PAX5: variants seen among roughly 807,000 people sequenced by gnomAD.
The protein encoded by PAX5 is paired box protein Pax-5.
A neutral mutation model predicts 43.7 loss-of-function variants in PAX5; 9 were observed. The observed-to-expected ratio is 0.21, with a 90% CI of 0.12 to 0.36. The LOEUF is 0.36. PAX5 is among the 10% of genes least tolerant of loss of function. The probability of loss-of-function intolerance (pLI) is 1.00; values close to 1 mark genes in which losing one functional copy is unlikely to be tolerated. For synonymous variants in PAX5, 228 were observed against 214.3 expected (o/e 1.06, Z -0.56); for missense variants, 383 against 532.7 (o/e 0.72, Z 2.77).
chr9:36,867,506 AG>A (rs984009045), intron 8 of PAX5, among the ~76,000 whole-genome samples: 37 of 152,124 alleles, frequency 2.4e-4, no homozygotes, highest in African/African-American at 8.7e-4. Context: ...TATACATGAA[AG>A]GGGCACATGA....
At chr9:37,027,926 A>C (rs1365641766) in intron 1 of PAX5, among the ~76,000 whole-genome samples, 1 of 152,184 alleles carries the variant, frequency 6.6e-6, no homozygotes, top group Non-Finnish European at 1.5e-5. Context: ...TCATTGACAA[A>C]CGCGCTGGAC....
chr9:37,002,682 G>A lies in PAX5; in HGVS notation c.570C>T (p.Pro190=), dbSNP rs1054500585. 53 of 1,611,426 alleles carry A rather than the reference G, an allele frequency of 3.3e-5. No homozygotes were observed. Among genetic ancestry groups the A allele is most frequent in the Non-Finnish European group, 3.9e-5 (46 of 1,179,164 alleles). ...TCTTGCGCTTGTTGGTGTCGGCGCT[G>A]GGGGACGTGATGCCCAGGATGCCGC... The part of the protein sequence containing the change: ...SISGILGITS[P]SADTNKRKRD... Residue 190 remains proline (P), a synonymous_variant, in exon 5 of 10, where the codon CCC becomes CCT. Transcript: ENST00000358127.
intron 4 of PAX5, among the ~76,000 whole-genome samples, chr9:37,005,547 T>C (rs1472914714): frequency 6.6e-6 from 1 of 152,242 alleles, no homozygotes; most frequent in Non-Finnish European, 1.5e-5. Context: ...TACATTTTAC[T>C]GGGTGAGGTA....
intron 8 of PAX5, among the ~76,000 whole-genome samples, chr9:36,855,678 C>G (rs1823599827): frequency 6.6e-6 from 1 of 152,072 alleles, no homozygotes; most frequent in African/African-American, 2.4e-5. Flanking sequence ...GGGGCTGGTT[C>G]CCATGGAGCT....
At position 36,882,148 on chromosome 9, in the gene PAX5, G is replaced by C; in HGVS notation, c.911-43C>G. 6.8e-7 allele frequency: 1 copy of C among 1,479,396 alleles called. No homozygotes were observed. The highest frequency in any genetic ancestry group is 9.2e-7 in the Non-Finnish European group (1 of 1,087,390). The allele number at this position is 1,479,396 out of a possible 1,614,324, so 91.6% of individuals were successfully genotyped here. Reference sequence around the variant, plus strand: ...CAAATCACAGGGTGAGCATCTTCGCGGCCAGCCGCTCATGTCCACAGCTCC... The same window carrying C: ...CAAATCACAGGGTGAGCATCTTCGCCGCCAGCCGCTCATGTCCACAGCTCC... On this transcript the variant is annotated intron_variant, in intron 7 of 9. Coordinates refer to ENST00000358127, the MANE Select transcript of PAX5 (RefSeq NM_016734.3). The surrounding 1 kb of genome is among the most constrained non-coding windows in gnomAD (Gnocchi z 4.4).
At chr9:37,023,694 G>A (rs1840046161) in intron 1 of PAX5, among the ~76,000 whole-genome samples, 1 of 152,138 alleles carries the variant, frequency 6.6e-6, no homozygotes, top group Admixed American at 6.5e-5. Context: ...AAAGACCATG[G>A]CTGAGCATAG....
chr9:36,993,920 T>C (rs982388311), intron 5 of PAX5, among the ~76,000 whole-genome samples: 2 of 151,500 alleles, frequency 1.3e-5, no homozygotes, highest in African/African-American at 2.4e-5. Context: ...CACCACCCCA[T>C]GGGAAAAGGA....
intron 8 of PAX5, among the ~76,000 whole-genome samples, chr9:36,881,476 CT>C (rs1210991389): frequency 6.6e-6 from 1 of 152,116 alleles, no homozygotes; most frequent in Non-Finnish European, 1.5e-5. Flanking sequence ...AATCACCGGC[CT>C]GGGGGGATCA....
At chr9:36,961,911 G>A (rs1197267782) in intron 6 of PAX5, among the ~76,000 whole-genome samples, 1 of 152,218 alleles carries the variant, frequency 6.6e-6, no homozygotes, top group Non-Finnish European at 1.5e-5. Flanking sequence ...CATATGTAGG[G>A]AAAACAGAAT....
In PAX5 at chr9:36,882,038, G is replaced by A. The variant is rs1409978318; in HGVS notation, c.978C>T (p.Ser326=). 2 of 1,613,132 alleles carry A rather than the reference G, an allele frequency of 1.2e-6. No homozygotes were observed. The highest frequency in any genetic ancestry group is 2.7e-5 in the African/African-American group (2 of 74,878). ...PPHVPPAGQG[S]YSAPTLTGMV... ...TCCCTGTCAGCGTCGGTGCTGAGTA[G>A]CTGCCCTGTCCAGCGGGGGGGACGT... The change falls in exon 8 of 10, where the codon AGC becomes AGT. Residue 326 remains serine, a synonymous_variant. Coordinates refer to ENST00000358127, the MANE Select transcript of PAX5 (RefSeq NM_016734.3). The surrounding 1 kb of genome is among the most constrained non-coding windows in gnomAD (Gnocchi z 4.4).
intron 7 of PAX5, among the ~76,000 whole-genome samples, chr9:36,894,847 C>T (rs572888534): frequency 7.9e-5 from 12 of 152,346 alleles, no homozygotes; most frequent in Admixed American, 4.6e-4. Context: ...CAGAAATCCT[C>T]GATGGCTCCC....
At chr9:36,971,523 A>G (rs918373567) in intron 5 of PAX5, among the ~76,000 whole-genome samples, 2 of 152,224 alleles carry the variant, frequency 1.3e-5, no homozygotes, top group Non-Finnish European at 2.9e-5. Flanking sequence ...ATTTTATTCC[A>G]GGGAGAAAAG....
At chr9:36,981,956 G>C (rs946662347) in intron 5 of PAX5, among the ~76,000 whole-genome samples, 2 of 152,226 alleles carry the variant, frequency 1.3e-5, no homozygotes, top group Non-Finnish European at 2.9e-5. Context: ...GAAAACAGAA[G>C]CCATTTGCTA....
At chr9:36,919,197 A>G (rs1829944636) in intron 7 of PAX5, among the ~76,000 whole-genome samples, 1 of 152,224 alleles carries the variant, frequency 6.6e-6, no homozygotes, top group African/African-American at 2.4e-5. Flanking sequence ...ATAACAGCAC[A>G]TCTGTTTACA....
chr9:37,032,378 C>G (rs1564099975), intron 1 of PAX5, among the ~76,000 whole-genome samples: 1 of 152,190 alleles, frequency 6.6e-6, no homozygotes, highest in Non-Finnish European at 1.5e-5. Flanking sequence ...ACAACACCCA[C>G]TTCCAGGCTC....
At position 36,835,954 on chromosome 9, in the gene PAX5, G is replaced by T. The variant is rs1165688476; in HGVS notation, c.*4606C>A. The T allele has an allele frequency of 2.1e-5, 5 of 233,364 alleles. No homozygotes were observed. Among genetic ancestry groups the T allele is most frequent in the Non-Finnish European group, 3.4e-5 (4 of 118,136 alleles). 14.5% of individuals were successfully genotyped at this position (233,364 alleles called of 1,614,324 possible). A position where few individuals can be genotyped will look rare whatever the true frequency, so the allele number is the denominator to read the frequency against. On this transcript the variant is annotated 3_prime_UTR_variant, in exon 10 of 10. Coordinates refer to ENST00000358127, the MANE Select transcript of PAX5 (RefSeq NM_016734.3). ...TGGGAAGCTGTATTTCAGACTCATCGTGTTTCTAGGGCTGTGTCAGGGTGC... is the reference window on the plus strand; with the variant it reads ...TGGGAAGCTGTATTTCAGACTCATCTTGTTTCTAGGGCTGTGTCAGGGTGC...
chr9:37,032,547 G>A (rs1841084969), intron 1 of PAX5, among the ~76,000 whole-genome samples: 1 of 152,214 alleles, frequency 6.6e-6, no homozygotes, highest in South Asian at 2.1e-4. Context: ...CTTCTCTCCA[G>A]CCACAATTTT....
At chr9:36,987,137 C>A (rs191688985) in intron 5 of PAX5, among the ~76,000 whole-genome samples, 6 of 152,280 alleles carry the variant, frequency 3.9e-5, no homozygotes, top group Admixed American at 3.3e-4. Flanking sequence ...GGGTTTCAAA[C>A]GCCTGCGGCT....
chr9:36,934,628 T>C (rs1184338759), intron 6 of PAX5, among the ~76,000 whole-genome samples: 1 of 152,236 alleles, frequency 6.6e-6, no homozygotes, highest in Non-Finnish European at 1.5e-5. Context: ...TAATATTAAC[T>C]AGGGGGAAGT....
Sources: allele counts gnomAD v4.1 joint callset (sites outside exome capture counted in the v4.1 genomes callset), GRCh38; gene constraint gnomAD v4.1.1; non-coding constraint Gnocchi (gnomAD v3.1); transcripts MANE v1.5; gene names NCBI Gene and HGNC (gene_info 2026-07-23, HGNC 2026-07-21).